The following ADGRA3 variants were observed in gnomAD, a reference collection of about 807,000 sequenced individuals.
ADGRA3 encodes adhesion G protein-coupled receptor A3.
A neutral mutation model predicts 119.8 loss-of-function variants in ADGRA3; 56 were observed. The observed-to-expected ratio is 0.47, with a 90% CI of 0.38 to 0.58. The LOEUF (loss-of-function observed/expected upper bound fraction) is 0.58. ADGRA3 is among the 20% of genes least tolerant of loss of function. The pLI is 0.00. For synonymous variants in ADGRA3, 607 were observed against 623.8 expected (o/e 0.97, Z 0.40); for missense variants, 1,516 against 1,649.0 (o/e 0.92, Z 1.40).
chr4:22,431,946 T>C (rs1268078538), intron 10 of ADGRA3, among the ~76,000 whole-genome samples: 2 of 152,118 alleles, frequency 1.3e-5, no homozygotes, highest in Non-Finnish European at 2.9e-5. Context: ...ATATGGTCAA[T>C]TTGGTTTCAT....
intron 14 of ADGRA3, among the ~76,000 whole-genome samples, chr4:22,407,653 T>TAAATAA (rs1714996237): frequency 6.6e-6 from 1 of 152,054 alleles, no homozygotes; most frequent in Non-Finnish European, 1.5e-5. Context: ...AAAATAAAGT[T>TAAATAA]CTCCACAGAA....
rs909135969 is a variant in ADGRA3, at chr4:22,476,834, T to A, written c.258-2991A>T. Among the ~76,000 whole-genome samples, 10 of 152,066 alleles carry A rather than the reference T, an allele frequency of 6.6e-5. No homozygotes were observed. The South Asian group carries it at 1.5e-3, about 22-fold the overall frequency. ...AGTGCCCACCACCATACCCAGCTAATTTTTGTATTTTTAGTAGAGACAGGG... is the reference window on the plus strand; with the variant it reads ...AGTGCCCACCACCATACCCAGCTAAATTTTGTATTTTTAGTAGAGACAGGG... On this transcript the variant is annotated intron_variant, in intron 1 of 18. Coordinates refer to ENST00000334304, the MANE Select transcript of ADGRA3 (RefSeq NM_145290.4).
At chr4:22,390,360 AATACGTAT>A (rs1366271217) in intron 17 of ADGRA3, among the ~76,000 whole-genome samples, 2 of 18,654 alleles carry the variant, frequency 1.1e-4, no homozygotes, top group African/African-American at 1.8e-4. Flanking sequence ...ATATATATAT[AATACGTAT>A]TATATATATA....
At chr4:22,443,330 G>T (rs1241342510) in intron 6 of ADGRA3, among the ~76,000 whole-genome samples, 3 of 152,106 alleles carry the variant, frequency 2.0e-5, no homozygotes, top group Admixed American at 2.0e-4. Context: ...AGTATGTTAA[G>T]ATCCCATATA....
chr4:22,426,549 A>C (rs937326004), intron 10 of ADGRA3, among the ~76,000 whole-genome samples: 3 of 152,228 alleles, frequency 2.0e-5, no homozygotes, highest in Non-Finnish European at 2.9e-5. Context: ...CAAAAGAAAG[A>C]AACAAGCTCT....
intron 12 of ADGRA3, chr4:22,420,258 G>A (rs1171651583): frequency 6.6e-6 from 1 of 152,232 alleles, no homozygotes; most frequent in African/African-American, 2.4e-5. Flanking sequence ...TTCCATTAGG[G>A]TGCTGGAGTT....
intron 4 of ADGRA3, among the ~76,000 whole-genome samples, chr4:22,451,911 T>C (rs1717058435): frequency 6.6e-6 from 1 of 152,220 alleles, no homozygotes; most frequent in Admixed American, 6.5e-5. Context: ...TTCTACTCAT[T>C]GGACTGAGAA....
intron 8 of ADGRA3, 40 bp from the exon 9 acceptor site, chr4:22,436,681 A>G: frequency 6.6e-7 from 1 of 1,515,058 alleles, no homozygotes; most frequent in Non-Finnish European, 9.2e-7. Context: ...AATCTAAATG[A>G]CACGGGTACA....
chr4:22,451,252 C>T (rs984519045), intron 4 of ADGRA3, among the ~76,000 whole-genome samples: 5 of 151,848 alleles, frequency 3.3e-5, no homozygotes, highest in Non-Finnish European at 7.4e-5. Flanking sequence ...GGAAAAAATA[C>T]AGGTATTAGA....
Position 22,447,024 on chromosome 4 carries a change from G to C in ADGRA3, c.545+416C>G, listed in dbSNP as rs1398724250. On this transcript the variant is annotated intron_variant, in intron 5 of 18. Coordinates refer to ENST00000334304, the MANE Select transcript of ADGRA3 (RefSeq NM_145290.4). ...TAGAAACATCAGTAATAAGCTGTAA[G>C]TTTGATTTTAAGTGGGGGGGGGGGT... Among the ~76,000 whole-genome samples, 3 of 44,894 alleles carry C rather than the reference G, an allele frequency of 6.7e-5. No homozygotes were observed. In the Admixed American group the frequency reaches 9.9e-4, roughly 15 times the overall value. The allele number at this position is 44,894 out of a possible 152,430, so 29.5% of individuals were successfully genotyped here. A position where few individuals can be genotyped will look rare whatever the true frequency, so the allele number is the denominator to read the frequency against.
chr4:22,505,272 A>G (rs1431173611), intron 1 of ADGRA3, among the ~76,000 whole-genome samples: 1 of 152,198 alleles, frequency 6.6e-6, no homozygotes, highest in African/African-American at 2.4e-5. Flanking sequence ...ATGGTCACAG[A>G]GCAAAAAGAC....
intron 7 of ADGRA3, among the ~76,000 whole-genome samples, chr4:22,439,439 C>T (rs1352838542): frequency 2.0e-5 from 3 of 152,098 alleles, no homozygotes; most frequent in African/African-American, 4.8e-5. Flanking sequence ...ACCCAGTATG[C>T]GTTGCTGTTA....
At chr4:22,459,427 T>C (rs1463959391) in intron 3 of ADGRA3, among the ~76,000 whole-genome samples, 1 of 151,712 alleles carries the variant, frequency 6.6e-6, no homozygotes, top group African/African-American at 2.4e-5. Context: ...TGGCACAAGT[T>C]TACCTACGCA....
At chr4:22,431,263 C>T (rs1297127358) in intron 10 of ADGRA3, among the ~76,000 whole-genome samples, 1 of 55,000 alleles carries the variant, frequency 1.8e-5, no homozygotes, top group Non-Finnish European at 4.9e-5. Flanking sequence ...GCACTGTGTG[C>T]CTGGAAAAGC....
At chr4:22,472,380 T>C (rs140540215) in intron 2 of ADGRA3, among the ~76,000 whole-genome samples, 2 of 152,302 alleles carry the variant, frequency 1.3e-5, no homozygotes, top group Admixed American at 1.3e-4. Flanking sequence ...GACCATGGAA[T>C]GTGTATGAAG....
At chr4:22,498,257 AAT>A (rs1491053719) in intron 1 of ADGRA3, among the ~76,000 whole-genome samples, 1 of 98,314 alleles carries the variant, frequency 1.0e-5, no homozygotes, top group African/African-American at 4.1e-5. Context: ...ACAAACAAAA[AAT>A]AAATAAATAA....
intron 14 of ADGRA3, 82 bp downstream of exon 14, chr4:22,413,099 CA>C (rs150998541): frequency 1.1e-5 from 10 of 934,248 alleles, no homozygotes; most frequent in Non-Finnish European, 4.7e-6. Context: ...AAACAAAAAA[CA>C]AAAAAACACT....
chr4:22,451,175 T>C (rs1320068774), intron 4 of ADGRA3, among the ~76,000 whole-genome samples: 1 of 151,708 alleles, frequency 6.6e-6, no homozygotes, highest in Non-Finnish European at 1.5e-5. Flanking sequence ...ATAAAGGAAA[T>C]TGTAAAGGGA....
chr4:22,387,768 C>T lies in ADGRA3; in HGVS notation c.3903G>A (p.Leu1301=). Residue 1301 remains leucine (L), a synonymous_variant, in exon 19 of 19, where the codon TTG becomes TTA. Transcript: ENST00000334304. ...PIKSNGQEGP[L]LGTDSTGNVR... ...CATTGCCAGTGCTATCGGTACCGAG[C>T]AAGGGTCCCTCCTGCCCATTGCTTT... 6.2e-7 allele frequency: 1 copy of T among 1,614,138 alleles called. No individual in the cohort carries two copies. Among genetic ancestry groups the T allele is most frequent in the Non-Finnish European group, 8.5e-7 (1 of 1,180,008 alleles).
Sources: gnomAD v4.1 joint callset for allele counts (sites outside exome capture counted in the v4.1 genomes callset) on GRCh38, gnomAD v4.1.1 for gene constraint, MANE v1.5 for transcripts, NCBI Gene and HGNC (gene_info 2026-07-23, HGNC 2026-07-21) for gene names.